The following GRID2 variants were observed in gnomAD, a reference collection of about 807,000 sequenced individuals.
GRID2 encodes glutamate receptor ionotropic, delta-2.
Under a neutral mutation model 114.8 loss-of-function variants are expected in GRID2, and 33 were observed. The observed-to-expected ratio is 0.29, with a 90% confidence interval of 0.22 to 0.38. The LOEUF (loss-of-function observed/expected upper bound fraction) is 0.38, where lower values mean the gene tolerates loss of function less well. GRID2 is among the 10% of genes least tolerant of loss of function. The probability of loss-of-function intolerance (pLI) is 1.00; values close to 1 mark genes in which losing one functional copy is unlikely to be tolerated. For missense variants in GRID2, 1,184 were observed against 1,257.7 expected (o/e 0.94, Z 0.89); for synonymous variants, 505 against 449.9 (o/e 1.12, Z -1.55).
chr4:92,797,170 T>C (rs571996257), intron 2 of GRID2, among the ~76,000 whole-genome samples: 1 of 151,992 alleles, frequency 6.6e-6, no homozygotes, highest in Non-Finnish European at 1.5e-5. Flanking sequence ...GCATCACTAG[T>C]GGCACTTCAT....
chr4:92,716,447 T>G (rs139715718), intron 2 of GRID2, among the ~76,000 whole-genome samples: 1 of 152,198 alleles, frequency 6.6e-6, no homozygotes, highest in South Asian at 2.1e-4. Flanking sequence ...ATGTTGTAAT[T>G]ATGAATTAAG....
chr4:92,433,215 G>T (rs752445663), intron 1 of GRID2, among the ~76,000 whole-genome samples: 2 of 152,090 alleles, frequency 1.3e-5, no homozygotes, highest in African/African-American at 2.4e-5. Context: ...CATGGGGTTG[G>T]GGGAGGGTGA....
chr4:93,575,941 C>T (rs1736381301), intron 13 of GRID2, among the ~76,000 whole-genome samples: 1 of 152,092 alleles, frequency 6.6e-6, no homozygotes, highest in Non-Finnish European at 1.5e-5. Context: ...AAGGAGGAAA[C>T]TATTCTGGTT....
At chr4:93,585,947 G>A (rs772140927) in intron 13 of GRID2, among the ~76,000 whole-genome samples, 3 of 151,860 alleles carry the variant, frequency 2.0e-5, no homozygotes, top group African/African-American at 7.3e-5. Flanking sequence ...ACTTTATCCC[G>A]AGCCCTTCAT....
chr4:92,620,493 G>C (rs891770760), intron 2 of GRID2, among the ~76,000 whole-genome samples: 1 of 151,600 alleles, frequency 6.6e-6, no homozygotes, highest in Admixed American at 6.6e-5. Context: ...CTCAAAGAAC[G>C]CTTCTAGCAT....
At chr4:92,368,056 CAG>C (rs1728954611) in intron 1 of GRID2, among the ~76,000 whole-genome samples, 2 of 152,028 alleles carry the variant, frequency 1.3e-5, no homozygotes, top group African/African-American at 4.8e-5. Flanking sequence ...AAGTAAGACT[CAG>C]AAGTGAAATG....
At chr4:93,255,808 A>G (rs2149538990) in intron 8 of GRID2, among the ~76,000 whole-genome samples, 1 of 152,210 alleles carries the variant, frequency 6.6e-6, no homozygotes, top group Middle Eastern at 3.4e-3. Context: ...CTAAGGAACT[A>G]TGAGCTAAAT....
In GRID2 at chr4:93,329,910, G is replaced by GA. The variant is rs33981658; in HGVS notation, c.1246-65684dup. Among the ~76,000 whole-genome samples the GA allele has an allele frequency of 3.1e-3, 446 of 146,026 alleles. 2 individuals are homozygous for GA. The highest frequency in any genetic ancestry group is 8.5e-3 in the African/African-American group (340 of 40,154). ...GCCAGGCTCACTGGAGACTTATTGC[G>GA]AAAAAAAAAAAAATTGTACTTTTTG... On this transcript the variant is annotated intron_variant, in intron 8 of 15. Coordinates refer to ENST00000282020, the MANE Select transcript of GRID2 (RefSeq NM_001510.4).
intron 2 of GRID2, among the ~76,000 whole-genome samples, chr4:93,074,130 A>G (rs1253976840): frequency 6.6e-6 from 1 of 152,244 alleles, no homozygotes; most frequent in Non-Finnish European, 1.5e-5. Flanking sequence ...GCCTGCTGCT[A>G]GAGGAATCCA....
intron 1 of GRID2, among the ~76,000 whole-genome samples, chr4:93,794,603 C>G (rs562166360): frequency 6.6e-6 from 1 of 152,158 alleles, no homozygotes; most frequent in Non-Finnish European, 1.5e-5. Flanking sequence ...TCTCGGCGAG[C>G]CTTTCTCAAA....
chr4:93,301,028 C>T (rs1341312849), intron 8 of GRID2, among the ~76,000 whole-genome samples: 4 of 152,218 alleles, frequency 2.6e-5, no homozygotes, highest in Admixed American at 1.3e-4. Flanking sequence ...GGCCTGTTTT[C>T]GGGCCTGACA....
chr4:93,663,500 T>C (rs1186556678), intron 14 of GRID2, among the ~76,000 whole-genome samples: 1 of 152,006 alleles, frequency 6.6e-6, no homozygotes, highest in Admixed American at 6.6e-5. Context: ...CATATGTATG[T>C]ATTATGTGTG....
chr4:92,411,655 G>GTGTGTATATATATATATATA, intron 1 of GRID2, among the ~76,000 whole-genome samples: 20 of 84,690 alleles, frequency 2.4e-4, no homozygotes, highest in African/African-American at 7.6e-4. Context: ...GTGTGTGTGT[G>GTGTGTATATATATATATATA]TATATATATA....
intron 1 of GRID2, among the ~76,000 whole-genome samples, chr4:92,359,983 A>T (rs1446209735): frequency 6.6e-6 from 1 of 151,958 alleles, no homozygotes; most frequent in Non-Finnish European, 1.5e-5. Context: ...ATCTATCTGA[A>T]TTGTATTTCT....
At chr4:92,435,536 GAATAC>G (rs1297952295) in intron 1 of GRID2, among the ~76,000 whole-genome samples, 1 of 152,136 alleles carries the variant, frequency 6.6e-6, no homozygotes, top group African/African-American at 2.4e-5. Flanking sequence ...ACCCTGTCTG[GAATAC>G]AATAAACCAG....
chr4:93,341,604 G>A (rs1177909377), intron 8 of GRID2, among the ~76,000 whole-genome samples: 3 of 152,138 alleles, frequency 2.0e-5, no homozygotes, highest in Non-Finnish European at 4.4e-5. Context: ...GATTATAGGC[G>A]TGAGCCACTG....
chr4:92,402,363 C>T (rs1449646988), intron 1 of GRID2, among the ~76,000 whole-genome samples: 3 of 152,148 alleles, frequency 2.0e-5, no homozygotes, highest in Non-Finnish European at 4.4e-5. Flanking sequence ...AGGTTTTCAA[C>T]ATATCTGCCC....
chr4:92,658,400 C>T (rs1432156298), intron 2 of GRID2, among the ~76,000 whole-genome samples: 5 of 151,710 alleles, frequency 3.3e-5, no homozygotes, highest in Non-Finnish European at 7.4e-5. Context: ...AGTGTGTCTA[C>T]TGAGCAAACA....
At chr4:92,972,799 T>C (rs894401584) in intron 2 of GRID2, among the ~76,000 whole-genome samples, 25 of 152,112 alleles carry the variant, frequency 1.6e-4, no homozygotes, top group African/African-American at 6.0e-4. Flanking sequence ...GTTGTTTTCC[T>C]CTATGTGTTT....
Sources: gnomAD v4.1 joint callset for allele counts (sites outside exome capture counted in the v4.1 genomes callset) on GRCh38, gnomAD v4.1.1 for gene constraint, MANE v1.5 for transcripts, NCBI Gene and HGNC (gene_info 2026-07-23, HGNC 2026-07-21) for gene names.